NUP107: variants seen among roughly 807,000 people sequenced by gnomAD.
NUP107 encodes nucleoporin 107.
Under a neutral mutation model 141.0 loss-of-function variants are expected in NUP107, and 101 were observed. The observed-to-expected ratio is 0.72, with a 90% CI of 0.61 to 0.84. The LOEUF (loss-of-function observed/expected upper bound fraction) is 0.84, where lower values mean the gene tolerates loss of function less well. Among genes scored for constraint, NUP107 ranks in the 40% least tolerant of loss-of-function variants. NUP107 has a pLI of 0.00. For synonymous variants in NUP107, 319 were observed against 363.9 expected, an observed-to-expected ratio of 0.88 and a Z score of 1.41; for missense variants, 941 against 1,102.7, an observed-to-expected ratio of 0.85 and a Z score of 2.08.
intron 8 of NUP107, chr12:68,707,195 G>C (rs1425111241): frequency 1.2e-5 from 5 of 421,004 alleles, no homozygotes; most frequent in African/African-American, 6.2e-5. Flanking sequence ...GCCCACCCGT[G>C]GGGGGAGTTT....
At chr12:68,689,842 A>G (rs1875695037) in intron 3 of NUP107, 1 of 456,782 alleles carries the variant, frequency 2.2e-6, no homozygotes, top group Non-Finnish European at 3.8e-6. Context: ...CTGTTTTACC[A>G]AAACTGAAAG....
intron 1 of NUP107, chr12:68,687,705 C>G: frequency 1.1e-6 from 1 of 940,998 alleles, no homozygotes; most frequent in Non-Finnish European, 1.3e-6. Context: ...TATTCGTACT[C>G]CAAACATTGA....
Position 68,692,038 on chromosome 12 carries a change from C to G in NUP107, c.374C>G (p.Thr125Arg). 2 of 1,612,086 alleles carry G rather than the reference C, an allele frequency of 1.2e-6. No homozygotes were observed. Among genetic ancestry groups the G allele is most frequent in the Non-Finnish European group, 1.7e-6 (2 of 1,178,900 alleles). The change falls in exon 5 of 28, where the codon ACA becomes AGA. Residue 125 changes from threonine (T) to arginine (R), a missense_variant. By Grantham distance (71) the Thr-to-Arg change is moderately conservative. Transcript: ENST00000229179. ...CAGCGTTCCGGGCTGTTCACAAACA[C>G]AGAGCCCCACAGTATAACAGAAGAT... is the stretch of plus-strand genomic sequence containing the variant. Reference protein sequence around the residue: ...SSQRSGLFTNTEPHSITEDVT... With the variant: ...SSQRSGLFTNREPHSITEDVT...
At position 68,742,586 on chromosome 12, in the gene NUP107, T is replaced by A. The variant is rs1878366791; in HGVS notation, c.*124T>A. The A allele has an allele frequency of 2.0e-6, 1 of 501,580 alleles. No homozygotes were observed. Among genetic ancestry groups the A allele is most frequent in the Non-Finnish European group, 3.5e-6 (1 of 282,394 alleles). 31.1% of individuals were successfully genotyped at this position (501,580 alleles called of 1,614,324 possible). On this transcript the variant is annotated 3_prime_UTR_variant, in exon 28 of 28. Transcript: ENST00000229179. ...TTTAGACATTTGAATTTTGTACTTT[T>A]CAGAATATTATCGTGACACTTTCAA...
intron 20 of NUP107, among the ~76,000 whole-genome samples, chr12:68,729,413 A>G (rs1160177776): frequency 6.6e-6 from 1 of 151,918 alleles, no homozygotes; most frequent in African/African-American, 2.4e-5. Context: ...CATATAATGG[A>G]TTTATGACAT....
At chr12:68,730,029 A>G (rs1877748516) in intron 20 of NUP107, among the ~76,000 whole-genome samples, 1 of 151,698 alleles carries the variant, frequency 6.6e-6, no homozygotes, top group African/African-American at 2.4e-5. Context: ...TGGCTAGATC[A>G]TAGCCCATTG....
At chr12:68,701,549 G>A (rs1287540201) in intron 7 of NUP107, among the ~76,000 whole-genome samples, 1 of 151,960 alleles carries the variant, frequency 6.6e-6, no homozygotes, top group South Asian at 2.1e-4. Flanking sequence ...AGGCGTGGTG[G>A]TGGGCACCTA....
chr12:68,717,494 G>A (rs1192699493), intron 12 of NUP107, among the ~76,000 whole-genome samples: 2 of 149,236 alleles, frequency 1.3e-5, no homozygotes, highest in African/African-American at 2.5e-5. Flanking sequence ...TTTGTGAATC[G>A]TATAATATAT....
At chr12:68,726,363 GA>G (rs751522436) in intron 18 of NUP107, 135 bp from the exon 19 acceptor site, 1 of 619,384 alleles carries the variant, frequency 1.6e-6, no homozygotes, top group Non-Finnish European at 2.8e-6. Flanking sequence ...AGAGGGTGTA[GA>G]GTTATATCAT....
At chr12:68,706,329 T>A in intron 8 of NUP107, 1 of 1,325,630 alleles carries the variant, frequency 7.5e-7, no homozygotes, top group Non-Finnish European at 1.1e-6. Flanking sequence ...GAAGAGGAGA[T>A]CCGGGAGCTG....
intron 8 of NUP107, chr12:68,706,511 G>A: frequency 1.5e-6 from 1 of 682,438 alleles, no homozygotes. Flanking sequence ...ACGCTGGCTT[G>A]GAAGCATGGG....
intron 26 of NUP107, 144 bp downstream of exon 26, chr12:68,735,488 A>G (rs983577826): frequency 3.3e-6 from 2 of 614,850 alleles, no homozygotes; most frequent in Admixed American, 2.7e-5. Context: ...GCTAAACTGA[A>G]AATACTACCT....
chr12:68,692,452 A>G (rs1032223257), intron 5 of NUP107, among the ~76,000 whole-genome samples: 10 of 151,876 alleles, frequency 6.6e-5, no homozygotes, highest in Non-Finnish European at 2.9e-5. Context: ...GGTGGTGCAC[A>G]CCTGTAATCC....
intron 11 of NUP107, among the ~76,000 whole-genome samples, chr12:68,714,601 C>G (rs866225662): frequency 7.9e-5 from 12 of 152,294 alleles, no homozygotes; most frequent in Middle Eastern, 3.4e-3. Context: ...TTACCATACA[C>G]TAAGTAACAT....
chr12:68,709,814 A>G (rs1278662232), intron 9 of NUP107, among the ~76,000 whole-genome samples, 191 bp from the exon 10 acceptor site: 1 of 151,990 alleles, frequency 6.6e-6, no homozygotes, highest in African/African-American at 2.4e-5. Context: ...ACGTGAACCC[A>G]GGAGGCAGAG....
chr12:68,710,381 G>A (rs976185627), intron 10 of NUP107, among the ~76,000 whole-genome samples: 3 of 152,096 alleles, frequency 2.0e-5, no homozygotes, highest in African/African-American at 7.2e-5. Context: ...AAACAAGCCG[G>A]GTGTGATGGC....
chr12:68,726,498 G>A lies in NUP107; in HGVS notation c.1577-1G>A. 1 of 1,592,982 alleles carries A rather than the reference G, an allele frequency of 6.3e-7. No individual in the cohort carries two copies. The highest frequency in any genetic ancestry group is 2.2e-5 in the East Asian group (1 of 44,730). On this transcript the variant is annotated splice_acceptor_variant, in intron 18 of 27. Coordinates refer to ENST00000229179, the MANE Select transcript of NUP107 (RefSeq NM_020401.4). LOFTEE classifies it high-confidence loss of function. ...TGAATCTTCACTTTGATGGCTTGTA[G>A]GTTTGATGGATGAGTTTAGCAAATG...
chr12:68,706,409 A>G (rs1218882599), intron 8 of NUP107: 3 of 975,436 alleles, frequency 3.1e-6, no homozygotes, highest in Non-Finnish European at 4.9e-6. Flanking sequence ...CATGAACAGC[A>G]TCATCGCTGA....
chr12:68,698,954 A>G (rs904779609), intron 6 of NUP107, among the ~76,000 whole-genome samples: 1 of 152,172 alleles, frequency 6.6e-6, no homozygotes, highest in African/African-American at 2.4e-5. Context: ...TGATGTGTCA[A>G]TATAAGTTCC....
Sources: allele counts gnomAD v4.1 joint callset (sites outside exome capture counted in the v4.1 genomes callset), GRCh38; gene constraint gnomAD v4.1.1; transcripts MANE v1.5; gene names NCBI Gene and HGNC (gene_info 2026-07-23, HGNC 2026-07-21).